Variants in ZFHX3 observed in about 807,000 individuals in gnomAD.
The protein encoded by ZFHX3 is zinc finger homeobox protein 3.
ZFHX3 carries 42 observed loss-of-function variants against 279.1 expected under a neutral mutation model. The ratio of observed to expected loss-of-function variants is 0.15; its 90% CI spans 0.12 to 0.19. The LOEUF is 0.19. ZFHX3 is among the 10% of genes least tolerant of loss of function. The pLI is 1.00. For synonymous variants in ZFHX3, 2,293 were observed against 1,957.8 expected (o/e 1.17, Z -4.52); for missense variants, 4,981 against 4,754.0 (o/e 1.05, Z -1.40).
At chr16:73,811,438 CTTTTTTTT>C (rs34134056) in intron 1 of ZFHX3, among the ~76,000 whole-genome samples, 2 of 106,574 alleles carry the variant, frequency 1.9e-5, no homozygotes, top group East Asian at 2.7e-4. Context: ...TCAGTCTCTT[CTTTTTTTT>C]TTTTTTTTTT....
chr16:73,408,906 A>G (rs1484455123), intron 3 of ZFHX3, among the ~76,000 whole-genome samples: 2 of 152,024 alleles, frequency 1.3e-5, no homozygotes, highest in African/African-American at 2.4e-5. Context: ...CTCAAACTTT[A>G]TAGACATGAA....
At chr16:73,656,324 A>C (rs1463211526) in intron 2 of ZFHX3, among the ~76,000 whole-genome samples, 1 of 152,208 alleles carries the variant, frequency 6.6e-6, no homozygotes, top group Non-Finnish European at 1.5e-5. Context: ...TTGACCCCCC[A>C]AAAAAGTAAC....
intron 5 of ZFHX3, among the ~76,000 whole-genome samples, chr16:72,815,036 C>T (rs1395572592): frequency 2.0e-5 from 3 of 152,164 alleles, no homozygotes; most frequent in African/African-American, 4.8e-5. Context: ...CTTGCTTGAC[C>T]TCAGACATTA....
At chr16:73,042,168 T>C (rs759700439) in intron 1 of ZFHX3, among the ~76,000 whole-genome samples, 2 of 152,178 alleles carry the variant, frequency 1.3e-5, no homozygotes, top group East Asian at 3.9e-4. Flanking sequence ...ACTTCCATAT[T>C]TGAACAGGCA....
chr16:73,146,161 G>C (rs910768906), intron 5 of ZFHX3, among the ~76,000 whole-genome samples: 1 of 152,172 alleles, frequency 6.6e-6, no homozygotes, highest in African/African-American at 2.4e-5. Flanking sequence ...CGGGTGCGGT[G>C]ACTCACGCCT....
chr16:73,720,320 G>A (rs1243762574), intron 1 of ZFHX3, among the ~76,000 whole-genome samples: 1 of 152,132 alleles, frequency 6.6e-6, no homozygotes, highest in Non-Finnish European at 1.5e-5. Context: ...CAGTGTTAGG[G>A]AATTGATCAT....
At chr16:73,454,108 AAATTCTT>A (rs1006443556) in intron 3 of ZFHX3, among the ~76,000 whole-genome samples, 3 of 152,184 alleles carry the variant, frequency 2.0e-5, no homozygotes, top group Admixed American at 1.3e-4. Context: ...CATCCTACCC[AAATTCTT>A]GATTCTTTAT....
intron 3 of ZFHX3, among the ~76,000 whole-genome samples, chr16:73,424,650 A>T (rs533353726): frequency 6.9e-6 from 1 of 145,666 alleles, no homozygotes; most frequent in Non-Finnish European, 1.5e-5. Flanking sequence ...GCCGCTTGGG[A>T]GGCTGAGATG....
intron 2 of ZFHX3, among the ~76,000 whole-genome samples, chr16:73,497,765 A>G (rs2019166763): frequency 1.3e-5 from 2 of 152,320 alleles, no homozygotes; most frequent in African/African-American, 2.4e-5. Context: ...TCCCAAAGAT[A>G]TGGGTAGAAA....
At chr16:73,782,683 G>A (rs1303434980) in intron 1 of ZFHX3, among the ~76,000 whole-genome samples, 2 of 152,266 alleles carry the variant, frequency 1.3e-5, no homozygotes, top group African/African-American at 4.8e-5. Flanking sequence ...TAACTGCTGA[G>A]TAGAAGCATT....
At chr16:73,242,149 C>T (rs1259329026) in intron 5 of ZFHX3, among the ~76,000 whole-genome samples, 3 of 152,120 alleles carry the variant, frequency 2.0e-5, no homozygotes, top group Admixed American at 6.6e-5. Flanking sequence ...GTTGAAGAGA[C>T]CTGCTCTGGG....
At chr16:73,761,605 A>G (rs1004157739) in intron 1 of ZFHX3, among the ~76,000 whole-genome samples, 4 of 152,230 alleles carry the variant, frequency 2.6e-5, no homozygotes, top group African/African-American at 9.6e-5. Flanking sequence ...TATAGTAATC[A>G]AAACAGCATA....
chr16:73,108,133 C>G (rs1966326845), intron 7 of ZFHX3, among the ~76,000 whole-genome samples: 1 of 152,016 alleles, frequency 6.6e-6, no homozygotes, highest in South Asian at 2.1e-4. Flanking sequence ...TGCACTCCAG[C>G]CTGGGCGACA....
chr16:72,935,715 CAG>C (rs1960085218), intron 3 of ZFHX3, among the ~76,000 whole-genome samples: 1 of 147,930 alleles, frequency 6.8e-6, no homozygotes, highest in Non-Finnish European at 1.5e-5. Flanking sequence ...GCCTGGGCGA[CAG>C]AGTGACACTC....
chr16:73,148,236 A>G (rs974418632), intron 5 of ZFHX3, among the ~76,000 whole-genome samples: 1 of 152,246 alleles, frequency 6.6e-6, no homozygotes, highest in Admixed American at 6.5e-5. Flanking sequence ...GGCCCTTTAT[A>G]GTAAACGTTT....
At chr16:73,533,055 C>G (rs1232287225) in intron 2 of ZFHX3, among the ~76,000 whole-genome samples, 2 of 152,172 alleles carry the variant, frequency 1.3e-5, no homozygotes, top group Non-Finnish European at 2.9e-5. Flanking sequence ...TGAAAATGGA[C>G]TAATGCACCA....
chr16:72,808,327 C>A (rs1471237514), intron 7 of ZFHX3, among the ~76,000 whole-genome samples: 1 of 152,102 alleles, frequency 6.6e-6, no homozygotes, highest in Non-Finnish European at 1.5e-5. Context: ...TTCCCTCTAA[C>A]CCTGGTTGCT....
chr16:73,025,030 A>G (rs377116275), intron 1 of ZFHX3, among the ~76,000 whole-genome samples: 5 of 152,194 alleles, frequency 3.3e-5, no homozygotes, highest in East Asian at 3.9e-4. Flanking sequence ...TGATCTCCGC[A>G]TGTATCCATT....
At chr16:72,904,679 C>T (rs1433381573) in intron 3 of ZFHX3, among the ~76,000 whole-genome samples, 7 of 152,158 alleles carry the variant, frequency 4.6e-5, no homozygotes, top group Non-Finnish European at 8.8e-5. Flanking sequence ...CTGACCCATG[C>T]TGAAATGCCT....
Sources: allele counts gnomAD v4.1 joint callset (sites outside exome capture counted in the v4.1 genomes callset), GRCh38; gene constraint gnomAD v4.1.1; transcripts MANE v1.5; gene names NCBI Gene and HGNC (gene_info 2026-07-23, HGNC 2026-07-21).